Variants in COL14A1 observed in about 807,000 individuals in gnomAD.
COL14A1 encodes the protein collagen alpha-1(XIV) chain.
A neutral mutation model predicts 230.3 loss-of-function variants in COL14A1; 136 were observed. That is an observed-to-expected ratio of 0.59 (90% CI 0.51 to 0.68). The LOEUF is 0.68. Ranked by LOEUF, COL14A1 falls within the 30% of genes least tolerant of loss-of-function variation. COL14A1 has a pLI of 0.00. For missense variants in COL14A1, 1,976 were observed against 2,215.8 expected, an observed-to-expected ratio of 0.89 and a Z score of 2.17; for synonymous variants, 792 against 784.1, an observed-to-expected ratio of 1.01 and a Z score of -0.17.
At chr8:120,182,637 G>C (rs545518877) in intron 5 of COL14A1, among the ~76,000 whole-genome samples, 2 of 151,842 alleles carry the variant, frequency 1.3e-5, no homozygotes, top group Admixed American at 6.6e-5. Context: ...CCTCTCTTGG[G>C]TCAATATTAA....
At chr8:120,337,912 A>G (rs1400388303) in intron 42 of COL14A1, among the ~76,000 whole-genome samples, 1 of 152,204 alleles carries the variant, frequency 6.6e-6, no homozygotes, top group Non-Finnish European at 1.5e-5. Context: ...TCTTTCACTG[A>G]GACTGCCTAG....
chr8:120,152,401 C>A lies in COL14A1; in HGVS notation c.88+4471C>A, dbSNP rs372573032. 2.5e-4 allele frequency among the ~76,000 whole-genome samples: 32 copies of A among 128,706 alleles called. No homozygotes were observed. In the East Asian group the frequency reaches 5.2e-3, roughly 21 times the overall value. The allele number at this position is 128,706 out of a possible 152,430, so 84.4% of individuals were successfully genotyped here. On this transcript the variant is annotated intron_variant, in intron 2 of 47. Transcript: ENST00000297848. ...AGGAGAATGGCGTGAACCTGGGAGG[C>A]GGAGCTTGCAGTGAGCCGAGATCGC...
intron 45 of COL14A1, among the ~76,000 whole-genome samples, chr8:120,354,392 TA>T (rs11326177): frequency 0.49 from 64,136 of 131,294 alleles, 14,765 homozygotes; most frequent in African/African-American, 0.57. Context: ...AAAGTATAAT[TA>T]AAAAAAAAAA....
intron 13 of COL14A1, among the ~76,000 whole-genome samples, chr8:120,215,795 T>C (rs4870722): frequency 0.4 from 61,101 of 151,842 alleles, 12,668 homozygotes; most frequent in Middle Eastern, 0.49. Flanking sequence ...GTGGGAAGGA[T>C]AGAGTTTCCA....
chr8:120,367,730 G>A (rs143867429), intron 46 of COL14A1, among the ~76,000 whole-genome samples: 38 of 151,266 alleles, frequency 2.5e-4, no homozygotes, highest in African/African-American at 9.0e-4. Context: ...GAGGCCAAGA[G>A]TTTGAGACCA....
At chr8:120,291,670 T>C (rs1485524853) in intron 34 of COL14A1, among the ~76,000 whole-genome samples, 1 of 151,782 alleles carries the variant, frequency 6.6e-6, no homozygotes, top group African/African-American at 2.4e-5. Context: ...ATTTTCTTAA[T>C]TTTAGAAATA....
intron 8 of COL14A1, among the ~76,000 whole-genome samples, chr8:120,200,180 A>G (rs1817188759): frequency 6.7e-6 from 1 of 150,222 alleles, no homozygotes. Flanking sequence ...GAGAACAACA[A>G]ACTTTCTCAG....
At chr8:120,207,121 C>A (rs1379256812) in intron 10 of COL14A1, 27 bp downstream of exon 10, 1 of 1,583,532 alleles carries the variant, frequency 6.3e-7, no homozygotes, top group Non-Finnish European at 8.6e-7. Context: ...ATTTTCAAAC[C>A]ATTCTTTTTA....
intron 24 of COL14A1, among the ~76,000 whole-genome samples, chr8:120,264,122 C>T (rs1819433192): frequency 6.6e-6 from 1 of 152,126 alleles, no homozygotes; most frequent in African/African-American, 2.4e-5. Context: ...TGAAGTCGAT[C>T]TCCTTTCCCA....
rs188267414 is a variant in COL14A1, at chr8:120,262,345, C to T, written c.2870-523C>T. On this transcript the variant is annotated intron_variant, in intron 23 of 47. Coordinates refer to ENST00000297848, the MANE Select transcript of COL14A1 (RefSeq NM_021110.4). ...CAAATTAGCTGGGCATGGTGGTGCA[C>T]GCCTGTAGTTCCAGCTACTCAGGAG... 7.8e-4 allele frequency among the ~76,000 whole-genome samples: 118 copies of T among 151,878 alleles called. 2 individuals carry two copies. The highest frequency in any genetic ancestry group is 1.3e-3 in the Non-Finnish European group (90 of 67,928).
At chr8:120,206,708 G>A (rs980585122) in intron 9 of COL14A1, among the ~76,000 whole-genome samples, 4 of 152,126 alleles carry the variant, frequency 2.6e-5, no homozygotes, top group African/African-American at 9.7e-5. Context: ...GTTCTCTGGA[G>A]TCAAGAACTA....
rs141031176 is a variant in COL14A1, at chr8:120,270,387, C to A, written c.3213+213C>A. Among the ~76,000 whole-genome samples the A allele has an allele frequency of 3.8e-3, 569 of 151,674 alleles. 4 individuals carry two copies. The highest frequency in any genetic ancestry group is 0.013 in the African/African-American group (532 of 41,446). ...TATCCTTAAAAGGTGTTGAGTTCGGCAAACTAAAACAAGGTAGAAAGTCCA... is the reference window on the plus strand; with the variant it reads ...TATCCTTAAAAGGTGTTGAGTTCGGAAAACTAAAACAAGGTAGAAAGTCCA... On this transcript the variant is annotated intron_variant, in intron 26 of 47. Coordinates refer to ENST00000297848, the MANE Select transcript of COL14A1 (RefSeq NM_021110.4).
Position 120,281,049 on chromosome 8 carries a change from C to T in COL14A1, c.3814C>T (p.Gln1272Ter). ...ACTCCATAAAGATGCCCTGGTTTCC[C>T]AGCCAACCAGGTATGTTTCTGTTGA... ...YQLHKDALVS[Q>*]PTRYLHPEGL... Residue 1272 changes from glutamine (Q) to a stop codon, truncating the protein, a stop_gained, in exon 31 of 48, where the codon CAG (glutamine) becomes TAG (stop). Coordinates refer to ENST00000297848, the MANE Select transcript of COL14A1 (RefSeq NM_021110.4). LOFTEE classifies it high-confidence loss of function. The T allele has an allele frequency of 6.2e-7, 1 of 1,607,706 alleles. No homozygotes were observed. Among genetic ancestry groups the T allele is most frequent in the Non-Finnish European group, 8.5e-7 (1 of 1,177,738 alleles).
chr8:120,266,908 C>G, intron 25 of COL14A1, 25 bp downstream of exon 25: 1 of 1,573,000 alleles, frequency 6.4e-7, no homozygotes, highest in Non-Finnish European at 8.7e-7. Context: ...GAATAATTAT[C>G]TGATTCTAGG....
At chr8:120,302,561 C>G (rs955762236) in intron 36 of COL14A1, among the ~76,000 whole-genome samples, 1 of 151,844 alleles carries the variant, frequency 6.6e-6, no homozygotes, top group Non-Finnish European at 1.5e-5. Context: ...GGTATGTTGT[C>G]TTTTTTCTGG....
chr8:120,155,696 A>T (rs1241162201), intron 2 of COL14A1, among the ~76,000 whole-genome samples: 1 of 152,160 alleles, frequency 6.6e-6, no homozygotes, highest in Non-Finnish European at 1.5e-5. Context: ...GACATTTACT[A>T]GTCCACTGAC....
At chr8:120,314,106 T>C in intron 38 of COL14A1, 79 bp downstream of exon 38, 1 of 1,052,702 alleles carries the variant, frequency 9.5e-7, no homozygotes, top group Non-Finnish European at 1.4e-6. Context: ...ACTTTTGTCT[T>C]CTGTGTCTTA....
At chr8:120,296,006 G>A (rs1377308494) in intron 34 of COL14A1, among the ~76,000 whole-genome samples, 1 of 151,880 alleles carries the variant, frequency 6.6e-6, no homozygotes, top group Non-Finnish European at 1.5e-5. Context: ...TTTTCCAAAT[G>A]TTTTAATTTT....
chr8:120,272,107 C>A (rs945480269), intron 26 of COL14A1, among the ~76,000 whole-genome samples: 1 of 151,566 alleles, frequency 6.6e-6, no homozygotes, highest in Admixed American at 6.6e-5. Flanking sequence ...TTTGCAGAAA[C>A]CTTACAAGAC....
Sources: gnomAD v4.1 joint callset for allele counts (sites outside exome capture counted in the v4.1 genomes callset) on GRCh38, gnomAD v4.1.1 for gene constraint, MANE v1.5 for transcripts, NCBI Gene and HGNC (gene_info 2026-07-23, HGNC 2026-07-21) for gene names.